ZNF483: variants seen among roughly 807,000 people sequenced by gnomAD.
ZNF483 encodes the protein zinc finger protein HIT-10.
In ZNF483, 9 loss-of-function variants were observed where a neutral mutation model predicts 28.6. The ratio of observed to expected loss-of-function variants is 0.32; its 90% CI spans 0.19 to 0.55. The LOEUF (loss-of-function observed/expected upper bound fraction) is 0.55. ZNF483 is among the 20% of genes least tolerant of loss of function. ZNF483 has a pLI of 0.93. For synonymous variants in ZNF483, 322 were observed against 306.2 expected, an observed-to-expected ratio of 1.05 and a Z score of -0.54; for missense variants, 675 against 871.7, an observed-to-expected ratio of 0.77 and a Z score of 2.84.
chr9:111,532,783 C>A (rs1440298800), intron 3 of ZNF483, among the ~76,000 whole-genome samples: 1 of 152,054 alleles, frequency 6.6e-6, no homozygotes, highest in Non-Finnish European at 1.5e-5. Flanking sequence ...TTGGTGCATG[C>A]CTGTAATCCC....
rs1002562315 is a variant in ZNF483 at position 111,534,406 on chromosome 9, G to T, written c.721+53G>T. The T allele has an allele frequency of 2.1e-6, 3 of 1,461,248 alleles. No individual in the cohort carries two copies. In the African/African-American group the frequency reaches 4.2e-5, roughly 20 times the overall value. 90.5% of individuals were successfully genotyped at this position (1,461,248 alleles called of 1,614,324 possible). On this transcript the variant is annotated intron_variant, in intron 5 of 5. Transcript: ENST00000309235. ...ATTAAAGCAGTTGTTTAGCAAGTCT[G>T]TTGAGAAGACTCTTTGAAATGTTGG...
intron 5 of ZNF483, among the ~76,000 whole-genome samples, chr9:111,570,513 G>A (rs1310808476): frequency 1.3e-5 from 2 of 152,058 alleles, no homozygotes; most frequent in Non-Finnish European, 2.9e-5. Context: ...GCTCACACCT[G>A]TAATCCCAGC....
In ZNF483 at chr9:111,534,372, CA is replaced by C; in HGVS notation, c.721+20del. On this transcript the variant is annotated intron_variant, in intron 5 of 5. Coordinates refer to ENST00000309235, the MANE Select transcript of ZNF483 (RefSeq NM_133464.5). ...CGACTAGGTGAGTTGGTGAAAAATA[CA>C]CAACGAAATTAAAGCAGTTGTTTAG... 1 of 1,601,476 alleles carries C rather than the reference CA, an allele frequency of 6.2e-7. No homozygotes were observed. The highest frequency in any genetic ancestry group is 8.6e-7 in the Non-Finnish European group (1 of 1,168,726).
At chr9:111,556,698 A>C (rs1272811968), downstream of ZNF483, among the ~76,000 whole-genome samples, 1 of 152,170 alleles carries the variant, frequency 6.6e-6, no homozygotes, top group Non-Finnish European at 1.5e-5. Context: ...TGTTGTTCTC[A>C]TGATAGTGAG....
intron 5 of ZNF483, among the ~76,000 whole-genome samples, chr9:111,538,125 TG>T (rs1442779022): frequency 1.9e-4 from 28 of 150,940 alleles, no homozygotes; most frequent in Non-Finnish European, 2.8e-4. Flanking sequence ...TTTTTGGGGT[TG>T]TTTTTTTTTT....
downstream of ZNF483, among the ~76,000 whole-genome samples, chr9:111,558,756 T>C (rs762597137): frequency 2.3e-4 from 35 of 152,138 alleles, no homozygotes; most frequent in Non-Finnish European, 3.8e-4. Context: ...TATACACACA[T>C]ACCTATTTTT....
At chr9:111,562,819 G>T in intron 5 of ZNF483, 1 of 508,426 alleles carries the variant, frequency 2.0e-6, no homozygotes, top group Non-Finnish European at 2.8e-6. Context: ...TCATTGTTCA[G>T]CTCCCACTTA....
chr9:111,563,137 G>A (rs771614824), intron 5 of ZNF483: 2 of 1,613,686 alleles, frequency 1.2e-6, no homozygotes, highest in South Asian at 1.1e-5. Context: ...TTTCACTATT[G>A]TCTTCCCCAA....
At chr9:111,567,041 A>G (rs902537999) in intron 5 of ZNF483, among the ~76,000 whole-genome samples, 12 of 151,528 alleles carry the variant, frequency 7.9e-5, no homozygotes, top group African/African-American at 2.9e-4. Flanking sequence ...AGCCATGATC[A>G]CGGCACTGCA....
downstream of ZNF483, among the ~76,000 whole-genome samples, chr9:111,559,840 T>C (rs576565740): frequency 6.6e-6 from 1 of 152,196 alleles, no homozygotes; most frequent in East Asian, 1.9e-4. Context: ...GGGCAGTGAC[T>C]TTTTTTTCTC....
In ZNF483 at chr9:111,527,368, G is replaced by A; in HGVS notation, c.-28G>A. 6.2e-7 allele frequency: 1 copy of A among 1,604,868 alleles called. No homozygotes were observed. Among genetic ancestry groups the A allele is most frequent in the South Asian group, 1.1e-5 (1 of 89,564 alleles). Reference sequence around the variant, plus strand: ...TACTGATACTCAACTAGAGTGTGAAGGGACTGGATTCCTGCCCCTGAGACA... The same window carrying A: ...TACTGATACTCAACTAGAGTGTGAAAGGACTGGATTCCTGCCCCTGAGACA... On this transcript the variant is annotated 5_prime_UTR_variant, in exon 2 of 6. Transcript: ENST00000309235.
At position 111,527,422 on chromosome 9, in the gene ZNF483, G is replaced by A; in HGVS notation, c.27G>A (p.Lys9=). ...TGCAAGCTGTAGTGCCCTTGAACAA[G>A]ATGACAGCCATCTCACCAGAACCTC... MQAVVPLN[K]MTAISPEPQT... Residue 9 remains lysine (K), a synonymous_variant, in exon 2 of 6, where the codon AAG becomes AAA. Coordinates refer to ENST00000309235, the MANE Select transcript of ZNF483 (RefSeq NM_133464.5). The A allele has an allele frequency of 1.2e-6, 2 of 1,613,888 alleles. No homozygotes were observed. The highest frequency in any genetic ancestry group is 1.7e-6 in the Non-Finnish European group (2 of 1,180,008).
chr9:111,532,039 T>C (rs1827359645), intron 3 of ZNF483, among the ~76,000 whole-genome samples: 1 of 152,200 alleles, frequency 6.6e-6, no homozygotes, highest in Non-Finnish European at 1.5e-5. Flanking sequence ...CTGGGTACAG[T>C]GGATCATGCC....
chr9:111,564,346 C>T, intron 5 of ZNF483: 3 of 556,848 alleles, frequency 5.4e-6, no homozygotes, highest in Non-Finnish European at 7.1e-6. Context: ...CACTCTGTCA[C>T]CTAGGTTTGA....
intron 2 of ZNF483, among the ~76,000 whole-genome samples, chr9:111,529,768 A>G (rs1827273190): frequency 6.6e-6 from 1 of 152,202 alleles, no homozygotes; most frequent in African/African-American, 2.4e-5. Context: ...ACTTTTATCT[A>G]TGGCTGTTCT....
intron 5 of ZNF483, among the ~76,000 whole-genome samples, chr9:111,570,500 G>A (rs1015936791): frequency 6.6e-6 from 1 of 152,114 alleles, no homozygotes; most frequent in Non-Finnish European, 1.5e-5. Flanking sequence ...GGGTGGCGCG[G>A]TGGCTCACAC....
At chr9:111,568,586 A>T (rs549331745) in intron 5 of ZNF483, among the ~76,000 whole-genome samples, 3 of 152,152 alleles carry the variant, frequency 2.0e-5, no homozygotes, top group Non-Finnish European at 4.4e-5. Context: ...CCTTTGAAGC[A>T]TGTGATCTTT....
At chr9:111,569,703 T>C (rs1300819811) in intron 5 of ZNF483, among the ~76,000 whole-genome samples, 1 of 152,124 alleles carries the variant, frequency 6.6e-6, no homozygotes, top group African/African-American at 2.4e-5. Flanking sequence ...AGGCGGAGGT[T>C]GCCGTGAGCT....
chr9:111,572,786 A>T (rs1828885101), intron 5 of ZNF483, among the ~76,000 whole-genome samples: 1 of 151,210 alleles, frequency 6.6e-6, no homozygotes. Context: ...AAAAATTAAA[A>T]AATTAAAAAA....
Sources: allele counts gnomAD v4.1 joint callset (sites outside exome capture counted in the v4.1 genomes callset), GRCh38; gene constraint gnomAD v4.1.1; transcripts MANE v1.5; gene names NCBI Gene and HGNC (gene_info 2026-07-23, HGNC 2026-07-21).